The following NXPE2 variants were observed in gnomAD, a reference collection of about 807,000 sequenced individuals.
NXPE2 encodes the protein neurexophilin and PC-esterase domain family member 2.
A neutral mutation model predicts 34.4 loss-of-function variants in NXPE2; 34 were observed. The observed-to-expected ratio is 0.99, with a 90% CI of 0.75 to 1.31. The LOEUF (loss-of-function observed/expected upper bound fraction) is 1.31. Among genes scored for constraint, NXPE2 ranks in the 40% most tolerant of loss-of-function variants. NXPE2 has a pLI of 0.00. For synonymous variants in NXPE2, 235 were observed against 231.3 expected (o/e 1.02, Z -0.15); for missense variants, 649 against 672.5 (o/e 0.97, Z 0.39).
the NXPE2 span, among the ~76,000 whole-genome samples, chr11:114,488,380 C>T: frequency 6.6e-6 from 1 of 151,950 alleles, no homozygotes; most frequent in Admixed American, 6.6e-5. Flanking sequence ...TTTAGGTCTT[C>T]TCTCTTTTTT....
chr11:114,728,886 C>T, the NXPE2 span, among the ~76,000 whole-genome samples: 2 of 152,040 alleles, frequency 1.3e-5, no homozygotes, highest in Middle Eastern at 3.4e-3. Context: ...CACAAATATG[C>T]CCAACTAATT....
the NXPE2 span, among the ~76,000 whole-genome samples, chr11:114,724,159 A>G: frequency 6.6e-6 from 1 of 152,156 alleles, no homozygotes; most frequent in African/African-American, 2.4e-5. Context: ...ACTGAAGGCC[A>G]AAGAGGACAA....
chr11:114,587,333 C>T, the NXPE2 span, among the ~76,000 whole-genome samples: 5 of 152,152 alleles, frequency 3.3e-5, no homozygotes, highest in Non-Finnish European at 5.9e-5. Context: ...GAATTTAATT[C>T]CGGAAGTTAA....
At chr11:114,663,832 T>A in the NXPE2 span, among the ~76,000 whole-genome samples, 1 of 152,208 alleles carries the variant, frequency 6.6e-6, no homozygotes, top group South Asian at 2.1e-4. Context: ...CCAGAAAAGA[T>A]ATGAGCATAT....
chr11:114,729,781 G>A, the NXPE2 span, among the ~76,000 whole-genome samples: 23 of 152,020 alleles, frequency 1.5e-4, no homozygotes, highest in Admixed American at 1.5e-3. Flanking sequence ...AATTGTTTAC[G>A]TTTCCTACAG....
the NXPE2 span, among the ~76,000 whole-genome samples, chr11:114,774,552 C>T: frequency 6.6e-6 from 1 of 152,150 alleles, no homozygotes; most frequent in East Asian, 1.9e-4. Flanking sequence ...GAGGAGGGCT[C>T]CTTACATTCT....
chr11:114,533,420 G>A, the NXPE2 span, among the ~76,000 whole-genome samples: 1 of 152,196 alleles, frequency 6.6e-6, no homozygotes, highest in African/African-American at 2.4e-5. Flanking sequence ...ATCTCATGGG[G>A]AGTGCCGGAC....
upstream of NXPE2, among the ~76,000 whole-genome samples, chr11:114,676,814 T>C (rs1277581822): frequency 1.3e-5 from 2 of 152,004 alleles, no homozygotes. Flanking sequence ...CCCATGTTAA[T>C]TGCAGCAATA....
At chr11:114,727,816 C>CACACATAT in the NXPE2 span, among the ~76,000 whole-genome samples, 1 of 150,980 alleles carries the variant, frequency 6.6e-6, no homozygotes, top group Admixed American at 6.6e-5. Flanking sequence ...CACACACACA[C>CACACATAT]ATATCTTTCC....
At chr11:114,619,479 C>A in the NXPE2 span, among the ~76,000 whole-genome samples, 1 of 149,292 alleles carries the variant, frequency 6.7e-6, no homozygotes, top group Non-Finnish European at 1.5e-5. Flanking sequence ...ACCACTGTTA[C>A]CCAGTGGAGG....
the NXPE2 span, among the ~76,000 whole-genome samples, chr11:114,572,515 TA>T: frequency 6.6e-6 from 1 of 151,848 alleles, no homozygotes; most frequent in Non-Finnish European, 1.5e-5. Flanking sequence ...ATAGTATAAA[TA>T]AAAAACAATC....
chr11:114,522,883 T>C, the NXPE2 span: 4 of 1,610,026 alleles, frequency 2.5e-6, no homozygotes, highest in Admixed American at 1.7e-5. Flanking sequence ...ACCTACTTTT[T>C]ACAACTTTGG....
At chr11:114,573,405 G>C in the NXPE2 span, among the ~76,000 whole-genome samples, 2 of 151,812 alleles carry the variant, frequency 1.3e-5, no homozygotes, top group Admixed American at 6.6e-5. Context: ...TACTTAAAAC[G>C]TACAGAATGG....
At chr11:114,796,502 C>CTGTT in the NXPE2 span, among the ~76,000 whole-genome samples, 5 of 152,120 alleles carry the variant, frequency 3.3e-5, no homozygotes, top group African/African-American at 1.2e-4. Flanking sequence ...AAGTGGTTAA[C>CTGTT]TGTTTCCTCT....
chr11:114,617,940 G>C, the NXPE2 span, among the ~76,000 whole-genome samples: 2 of 152,020 alleles, frequency 1.3e-5, no homozygotes, highest in African/African-American at 4.8e-5. Flanking sequence ...TGCATAATAA[G>C]TATTGCCTCG....
chr11:114,790,970 T>A, the NXPE2 span, among the ~76,000 whole-genome samples: 1 of 143,262 alleles, frequency 7.0e-6, no homozygotes, highest in African/African-American at 2.6e-5. Context: ...TTTTTTTTTT[T>A]CCTCTTAATC....
chr11:114,653,486 G>A, the NXPE2 span, among the ~76,000 whole-genome samples: 2 of 148,160 alleles, frequency 1.3e-5, no homozygotes, highest in South Asian at 2.1e-4. Flanking sequence ...CTTGTACTCC[G>A]TATTTCATTA....
chr11:114,635,226 A>G, the NXPE2 span, among the ~76,000 whole-genome samples: 472 of 150,116 alleles, frequency 3.1e-3, 3 homozygotes, highest in African/African-American at 0.011. Flanking sequence ...CTTTGAAGCA[A>G]TTGTGAATGG....
At chr11:114,645,132 T>C in the NXPE2 span, among the ~76,000 whole-genome samples, 3 of 151,904 alleles carry the variant, frequency 2.0e-5, no homozygotes, top group Non-Finnish European at 4.4e-5. Context: ...TGAAACCCCA[T>C]CTTTACTAAA....
Sources: gnomAD v4.1 joint callset for allele counts (sites outside exome capture counted in the v4.1 genomes callset) on GRCh38, gnomAD v4.1.1 for gene constraint, MANE v1.5 for transcripts, NCBI Gene and HGNC (gene_info 2026-07-23, HGNC 2026-07-21) for gene names.